The following SCGB2A1 variants were observed in gnomAD, a reference collection of about 807,000 sequenced individuals.
The protein encoded by SCGB2A1 is secretoglobin family 2A member 1, also known as mammaglobin-B.
Under a neutral mutation model 9.2 loss-of-function variants are expected in SCGB2A1, and 6 were observed. The ratio of observed to expected loss-of-function variants is 0.66; its 90% CI spans 0.36 to 1.29. The LOEUF is 1.29. Among genes scored for constraint, SCGB2A1 ranks in the 50% most tolerant of loss-of-function variants. SCGB2A1 has a pLI of 0.03. For synonymous variants in SCGB2A1, 37 were observed against 41.0 expected (o/e 0.90, Z 0.37); for missense variants, 138 against 116.9 (o/e 1.18, Z -0.83).
chr11:62,208,908 A>C, intron 1 of SCGB2A1, 122 bp downstream of exon 1: 1 of 924,970 alleles, frequency 1.1e-6, no homozygotes, highest in East Asian at 2.6e-5. Flanking sequence ...CCTGGGTGCG[A>C]TAGGCCTTAG....
At chr11:62,213,173 C>A (rs888386510) in intron 2 of SCGB2A1, among the ~76,000 whole-genome samples, 8 of 147,434 alleles carry the variant, frequency 5.4e-5, no homozygotes, top group Non-Finnish European at 1.2e-4. Context: ...TGGGGTCAAG[C>A]AATCTGCCCT....
chr11:62,210,306 C>A lies in SCGB2A1; in HGVS notation c.56-107C>A. 2.9e-6 allele frequency: 4 copies of A among 1,373,936 alleles called. No individual in the cohort carries two copies. The South Asian group carries it at 5.9e-5, about 20-fold the overall frequency. The allele number at this position is 1,373,936 out of a possible 1,614,324, so 85.1% of individuals were successfully genotyped here. A position where few individuals can be genotyped will look rare whatever the true frequency, so the allele number is the denominator to read the frequency against. Reference sequence around the variant, plus strand: ...AATCTTTCTGAACCTCGGTCTGTCCCTGGAGGTACGAAGATAGCCAGCTTC... The same window carrying A: ...AATCTTTCTGAACCTCGGTCTGTCCATGGAGGTACGAAGATAGCCAGCTTC... On this transcript the variant is annotated intron_variant, in intron 1 of 2. Transcript: ENST00000244930.
In SCGB2A1 at chr11:62,209,635, A is replaced by ATGTGTGTGTGTG. The variant is rs60357410; in HGVS notation, c.56-746_56-735dup. 8.9e-3 allele frequency among the ~76,000 whole-genome samples: 1,261 copies of ATGTGTGTGTGTG among 142,154 alleles called. 15 individuals carry two copies. Among genetic ancestry groups the ATGTGTGTGTGTG allele is most frequent in the East Asian group, 0.019 (84 of 4,442 alleles). 93.3% of individuals were successfully genotyped at this position (142,154 alleles called of 152,430 possible). A position where few individuals can be genotyped will look rare whatever the true frequency, so the allele number is the denominator to read the frequency against. On this transcript the variant is annotated intron_variant, in intron 1 of 2. Transcript: ENST00000244930. ...CATGAACAAGCTCTATTTCACATTC[A>ATGTGTGTGTGTG]TGTGTGTGTGTGTGTGTGTGTGTGT...
intron 1 of SCGB2A1, among the ~76,000 whole-genome samples, chr11:62,210,194 G>C (rs116345165): frequency 3.9e-4 from 60 of 152,244 alleles, no homozygotes; most frequent in African/African-American, 1.4e-3. Context: ...ACACAGGGTT[G>C]GGCTTCTCTG....
chr11:62,211,906 T>C (rs566901048), intron 2 of SCGB2A1, among the ~76,000 whole-genome samples: 1 of 152,284 alleles, frequency 6.6e-6, no homozygotes, highest in South Asian at 2.1e-4. Flanking sequence ...GATGTGTTGG[T>C]TACGAGTTTT....
chr11:62,213,097 T>C (rs1944850652), intron 2 of SCGB2A1, among the ~76,000 whole-genome samples: 6 of 40,778 alleles, frequency 1.5e-4, no homozygotes, highest in Non-Finnish European at 6.7e-5. Flanking sequence ...TACACATATA[T>C]ATATATATAT....
chr11:62,208,678 A>C lies in SCGB2A1; in HGVS notation c.-54A>C. On this transcript the variant is annotated 5_prime_UTR_variant, in exon 1 of 3. Transcript: ENST00000244930. ...AGGGCTGGGTACTCACCTCCACAGC[A>C]ACTTCCTTGATCCCTGCCACGCACG... 6.3e-7 allele frequency: 1 copy of C among 1,592,788 alleles called. No homozygotes were observed. Among genetic ancestry groups the C allele is most frequent in the Admixed American group, 1.7e-5 (1 of 59,884 alleles).
intron 1 of SCGB2A1, among the ~76,000 whole-genome samples, chr11:62,209,796 TC>T (rs1322362599): frequency 3.9e-5 from 6 of 152,058 alleles, no homozygotes; most frequent in Non-Finnish European, 8.8e-5. Context: ...TGCCTCAGCC[TC>T]CCGAGTAGCT....
Position 62,210,530 on chromosome 11 carries a change from C to A in SCGB2A1, c.173C>A (p.Ala58Asp), listed in dbSNP as rs915233501. The A allele has an allele frequency of 6.3e-7, 1 of 1,590,918 alleles. No individual in the cohort carries two copies. Among genetic ancestry groups the A allele is most frequent in the East Asian group, 2.2e-5 (1 of 44,450 alleles). The change falls in exon 2 of 3, where the codon GCT becomes GAT. Residue 58 changes from alanine to aspartate, a missense_variant. Physicochemically the swap from Ala to Asp is moderately radical, Grantham distance 126 (BLOSUM62 -2). Coordinates refer to ENST00000244930, the MANE Select transcript of SCGB2A1 (RefSeq NM_002407.3). ...ATAGACAGTGATGCCGCTGCAGAGG[C>A]TATGGGGAAATTCAAGCAGTGTTTC... ...EFIDSDAAAE[A>D]MGKFKQCFLN...
chr11:62,213,027 T>TAC (rs1944847236), intron 2 of SCGB2A1, among the ~76,000 whole-genome samples: 7 of 53,756 alleles, frequency 1.3e-4, no homozygotes, highest in African/African-American at 4.5e-4. Context: ...TATATACATA[T>TAC]ATACACACAT....
rs1016311035 is a variant in SCGB2A1, at chr11:62,210,461, C to A, written c.104C>A (p.Ser35Tyr). Residue 35 changes from serine (S) to tyrosine (Y), a missense_variant, in exon 2 of 3, where the codon TCC becomes TAC. Coordinates refer to ENST00000244930, the MANE Select transcript of SCGB2A1 (RefSeq NM_002407.3). The part of the protein sequence containing the change: ...LEDMVEKTIN[S>Y]DISIPEYKEL... ...GACATGGTTGAAAAGACCATCAATT[C>A]CGACATATCTATACCTGAATACAAA... The A allele has an allele frequency of 5.8e-6, 9 of 1,561,976 alleles. No homozygotes were observed. The highest frequency in any genetic ancestry group is 1.9e-5 in the Admixed American group (1 of 52,752).
chr11:62,210,221 G>C (rs538353239), intron 1 of SCGB2A1, among the ~76,000 whole-genome samples, 192 bp from the exon 2 acceptor site: 1 of 152,250 alleles, frequency 6.6e-6, no homozygotes, highest in East Asian at 1.9e-4. Context: ...GAAGGTCAGA[G>C]AGAATTTGCA....
chr11:62,213,099 TATATATA>T lies in SCGB2A1; in HGVS notation c.244-626_244-620del, dbSNP rs1410043760. 8.1e-3 allele frequency among the ~76,000 whole-genome samples: 343 copies of T among 42,210 alleles called. 11 individuals are homozygous for T. Among genetic ancestry groups the T allele is most frequent in the South Asian group, 0.017 (12 of 716 alleles). 27.7% of individuals were successfully genotyped at this position (42,210 alleles called of 152,430 possible). On this transcript the variant is annotated intron_variant, in intron 2 of 2. Coordinates refer to ENST00000244930, the MANE Select transcript of SCGB2A1 (RefSeq NM_002407.3). The stretch of plus-strand genomic sequence containing the variant: ...ATATACACATATATACACATATATA[TATATATA>T]TTTTTTTTTTTGTAGAGATGGCATT...
At chr11:62,213,691 T>C in intron 2 of SCGB2A1, 35 bp from the exon 3 acceptor site, 1 of 1,592,956 alleles carries the variant, frequency 6.3e-7, no homozygotes, top group Non-Finnish European at 8.5e-7. Context: ...ATAAGTGAAA[T>C]TTGCAAACCT....
Position 62,213,010 on chromosome 11 carries a change from A to G in SCGB2A1, c.244-716A>G, listed in dbSNP as rs1565121391. The stretch of plus-strand genomic sequence containing the variant: ...TATACATGCATATATGTACACATAT[A>G]TGCACATATATACATATATACACAC... On this transcript the variant is annotated intron_variant, in intron 2 of 2. Coordinates refer to ENST00000244930, the MANE Select transcript of SCGB2A1 (RefSeq NM_002407.3). Among the ~76,000 whole-genome samples, 69 of 86,830 alleles carry G rather than the reference A, an allele frequency of 7.9e-4. 1 individual carries two copies. The highest frequency in any genetic ancestry group is 2.4e-3 in the African/African-American group (64 of 26,306). 57.0% of individuals were successfully genotyped at this position (86,830 alleles called of 152,430 possible). A position where few individuals can be genotyped will look rare whatever the true frequency, so the allele number is the denominator to read the frequency against.
At chr11:62,210,390 T>G in intron 1 of SCGB2A1, 23 bp from the exon 2 acceptor site, 1 of 493,768 alleles carries the variant, frequency 2.0e-6, no homozygotes, top group Non-Finnish European at 2.5e-6. Context: ...TTGTGTCTTT[T>G]TTTTTTTTTT....
chr11:62,208,740 G>T lies in SCGB2A1; in HGVS notation c.9G>T (p.Leu3=), dbSNP rs1303699850. ...ACAGCAGCCGCCTCGCCATGAAGCT[G>T]CTGATGGTCCTCATGCTGGCGGCCC... The part of the protein sequence containing the change: MK[L]LMVLMLAALL... The change falls in exon 1 of 3, where the codon CTG becomes CTT. Residue 3 remains leucine, a synonymous_variant. Transcript: ENST00000244930. 6.2e-7 allele frequency: 1 copy of T among 1,613,712 alleles called. No individual in the cohort carries two copies. Among genetic ancestry groups the T allele is most frequent in the South Asian group, 1.1e-5 (1 of 91,080 alleles).
chr11:62,209,743 C>T (rs1383074405), intron 1 of SCGB2A1, among the ~76,000 whole-genome samples: 2 of 152,006 alleles, frequency 1.3e-5, no homozygotes, highest in Non-Finnish European at 2.9e-5. Flanking sequence ...GGCACAGTCT[C>T]AGCTCACTGC....
At chr11:62,210,714 C>T (rs541296222) in intron 2 of SCGB2A1, 114 bp downstream of exon 2, 4 of 746,364 alleles carry the variant, frequency 5.4e-6, no homozygotes, top group African/African-American at 3.7e-5. Context: ...CTTTATATAT[C>T]AATTCATTAA....
Sources: gnomAD v4.1 joint callset for allele counts (sites outside exome capture counted in the v4.1 genomes callset) on GRCh38, gnomAD v4.1.1 for gene constraint, MANE v1.5 for transcripts, NCBI Gene and HGNC (gene_info 2026-07-23, HGNC 2026-07-21) for gene names.